SANBR: variants seen among roughly 807,000 people sequenced by gnomAD.
The protein encoded by SANBR is SANT and BTB domain regulator of CSR.
Under a neutral mutation model 101.8 loss-of-function variants are expected in SANBR, and 77 were observed. That is an observed-to-expected ratio of 0.76 (90% CI 0.63 to 0.91). SANBR has a LOEUF of 0.91. Ranked by LOEUF, SANBR falls within the 40% of genes least tolerant of loss-of-function variation. SANBR has a pLI of 0.00. For synonymous variants in SANBR, 279 were observed against 274.7 expected (o/e 1.02, Z -0.15); for missense variants, 875 against 853.0 (o/e 1.03, Z -0.32).
rs1682126305 is a variant in SANBR at position 61,081,521 on chromosome 2, A to T, written c.729+11A>T. On this transcript the variant is annotated intron_variant, in intron 7 of 21. Coordinates refer to ENST00000402291, the MANE Select transcript of SANBR (RefSeq NM_001129993.3). ...AAAATGGATTCACTAGTAAGTATTG[A>T]CTTAAAAAAAATCAAAGTGCTTCTG... 2 of 1,541,910 alleles carry T rather than the reference A, an allele frequency of 1.3e-6. No individual in the cohort carries two copies. The highest frequency in any genetic ancestry group is 2.3e-5 in the Admixed American group (1 of 44,308).
In SANBR at chr2:61,122,586, T is replaced by C. The variant is rs557804282; in HGVS notation, c.*424T>C. 11 of 988,970 alleles carry C rather than the reference T, an allele frequency of 1.1e-5. No homozygotes were observed. The African/African-American group carries it at 1.6e-4, about 14-fold the overall frequency. 61.3% of individuals were successfully genotyped at this position (988,970 alleles called of 1,614,324 possible). A position where few individuals can be genotyped will look rare whatever the true frequency, so the allele number is the denominator to read the frequency against. Reference sequence around the variant, plus strand: ...GTCTTTGGAGCTGTAAATCTTGAGATAGCATTGAGAACTGCAGGTTGTGTG... The same window carrying C: ...GTCTTTGGAGCTGTAAATCTTGAGACAGCATTGAGAACTGCAGGTTGTGTG... On this transcript the variant is annotated 3_prime_UTR_variant, in exon 22 of 22. Transcript: ENST00000402291.
chr2:61,068,256 T>A (rs1266362682), intron 1 of SANBR, among the ~76,000 whole-genome samples: 4 of 152,194 alleles, frequency 2.6e-5, no homozygotes, highest in African/African-American at 9.7e-5. Context: ...AAAAGGGCAT[T>A]ACTTTTCAGA....
At chr2:61,126,400 A>G (rs1684514588), downstream of SANBR, among the ~76,000 whole-genome samples, 1 of 151,990 alleles carries the variant, frequency 6.6e-6, no homozygotes, top group South Asian at 2.1e-4. Context: ...TTCCATTTCA[A>G]CTTCTGTATA....
intron 1 of SANBR, 68 bp from the exon 2 acceptor site, chr2:61,068,781 C>G (rs1681311796): frequency 6.6e-6 from 1 of 152,328 alleles, no homozygotes; most frequent in African/African-American, 2.4e-5. Context: ...CACTCTTTGC[C>G]AGGTAGCACT....
chr2:61,101,455 T>G (rs550250451), intron 12 of SANBR, among the ~76,000 whole-genome samples: 7 of 152,330 alleles, frequency 4.6e-5, no homozygotes, highest in South Asian at 4.1e-4. Flanking sequence ...ATATATTGGC[T>G]GGGCGCTGTG....
chr2:61,126,477 C>T (rs1299328769), downstream of SANBR, among the ~76,000 whole-genome samples: 2 of 152,154 alleles, frequency 1.3e-5, no homozygotes, highest in African/African-American at 2.4e-5. Context: ...CCCTGCTTAA[C>T]ACTAATAGCA....
chr2:61,099,448 A>G (rs1216384949), intron 12 of SANBR, among the ~76,000 whole-genome samples: 2 of 152,208 alleles, frequency 1.3e-5, no homozygotes, highest in African/African-American at 4.8e-5. Context: ...CTCAGTTTCT[A>G]GTTGGTGCTA....
intron 1 of SANBR, among the ~76,000 whole-genome samples, chr2:61,066,744 TATCAG>T (rs1681194646): frequency 6.6e-6 from 1 of 152,228 alleles, no homozygotes; most frequent in Non-Finnish European, 1.5e-5. Context: ...GAAAAAAATA[TATCAG>T]ATTCCTGTTG....
intron 2 of SANBR, 118 bp from the exon 3 acceptor site, chr2:61,070,224 A>C (rs567627982): frequency 1.5e-6 from 1 of 672,826 alleles, no homozygotes; most frequent in East Asian, 3.2e-5. Flanking sequence ...GGTCAGTTTT[A>C]CTTTTCCTTT....
intron 12 of SANBR, among the ~76,000 whole-genome samples, chr2:61,101,353 T>G (rs1683271712): frequency 6.6e-6 from 1 of 152,222 alleles, no homozygotes; most frequent in Admixed American, 6.5e-5. Flanking sequence ...AACCACAAAT[T>G]TACATTTGTG....
At chr2:61,082,590 G>A (rs1165568850) in intron 7 of SANBR, among the ~76,000 whole-genome samples, 2 of 152,204 alleles carry the variant, frequency 1.3e-5, no homozygotes, top group Non-Finnish European at 2.9e-5. Flanking sequence ...GGAGGCCAAG[G>A]CAGGCGGATC....
rs1293934554 is a variant in SANBR, at chr2:61,105,947, G to GT, written c.1512-616_1512-615insT. Among the ~76,000 whole-genome samples, 4 of 152,156 alleles carry GT rather than the reference G, an allele frequency of 2.6e-5. No individual in the cohort carries two copies. The East Asian group carries it at 7.7e-4, about 29-fold the overall frequency. ...GGCCTCGCAAAGTGCTGGGATTAGA[G>GT]GCGTGACCCACTGTGCCCAGCCAAG... On this transcript the variant is annotated intron_variant, in intron 13 of 21. Coordinates refer to ENST00000402291, the MANE Select transcript of SANBR (RefSeq NM_001129993.3).
At chr2:61,098,800 A>C (rs762762488) in intron 12 of SANBR, among the ~76,000 whole-genome samples, 1 of 152,232 alleles carries the variant, frequency 6.6e-6, no homozygotes, top group African/African-American at 2.4e-5. Flanking sequence ...TGTGCTATAC[A>C]CTGTGCAAGG....
At chr2:61,085,642 C>T (rs1465443497) in intron 8 of SANBR, among the ~76,000 whole-genome samples, 2 of 152,002 alleles carry the variant, frequency 1.3e-5, no homozygotes, top group East Asian at 3.9e-4. Context: ...TCCCAAGTAG[C>T]TGGGATTATA....
In SANBR at chr2:61,117,392, A is replaced by G. The variant is rs759373418; in HGVS notation, c.1865+7A>G. On this transcript the variant is annotated splice_region_variant and intron_variant, in intron 18 of 21. Transcript: ENST00000402291. ...GAGATGTGTCTCCTTTCGTGTGAGT[A>G]TTGCTCCTTAATCCAATCGGATATC... The G allele has an allele frequency of 6.2e-7, 1 of 1,613,832 alleles. No individual in the cohort carries two copies. Among genetic ancestry groups the G allele is most frequent in the South Asian group, 1.1e-5 (1 of 91,080 alleles).
At chr2:61,075,425 T>C (rs1004021946) in intron 5 of SANBR, among the ~76,000 whole-genome samples, 1 of 151,798 alleles carries the variant, frequency 6.6e-6, no homozygotes, top group Non-Finnish European at 1.5e-5. Flanking sequence ...GCCGGCTAAT[T>C]TTTAAAATTT....
intron 12 of SANBR, among the ~76,000 whole-genome samples, chr2:61,099,179 A>T (rs1683174509): frequency 6.6e-6 from 1 of 152,264 alleles, no homozygotes; most frequent in Non-Finnish European, 1.5e-5. Flanking sequence ...GTGTCAGTCC[A>T]TGCAGGAGCA....
chr2:61,123,367 C>T lies in SANBR; in HGVS notation c.*1205C>T, dbSNP rs931257227. On this transcript the variant is annotated 3_prime_UTR_variant, in exon 22 of 22. Coordinates refer to ENST00000402291, the MANE Select transcript of SANBR (RefSeq NM_001129993.3). ...ATTGAAGTGTTACACTCAGTTTACA[C>T]GTACAGAAATCATTCTTTTTAGTGA... is the stretch of plus-strand genomic sequence containing the variant. The T allele has an allele frequency of 1.6e-5, 16 of 978,916 alleles. No homozygotes were observed. The South Asian group carries it at 2.4e-4, about 14-fold the overall frequency. 60.6% of individuals were successfully genotyped at this position (978,916 alleles called of 1,614,324 possible).
At chr2:61,136,839 C>T (rs1684865335) in intron 21 of SANBR, among the ~76,000 whole-genome samples, 1 of 151,366 alleles carries the variant, frequency 6.6e-6, no homozygotes. Context: ...GGCGTGATGG[C>T]AGGTGCCTGT....
Sources: allele counts gnomAD v4.1 joint callset (sites outside exome capture counted in the v4.1 genomes callset), GRCh38; gene constraint gnomAD v4.1.1; transcripts MANE v1.5; gene names NCBI Gene and HGNC (gene_info 2026-07-23, HGNC 2026-07-21).